Variants in CSGALNACT1 observed in about 807,000 individuals in gnomAD.
CSGALNACT1 encodes chondroitin sulfate N-acetylgalactosaminyltransferase 1.
CSGALNACT1 carries 52 observed loss-of-function variants against 51.0 expected under a neutral mutation model. The observed-to-expected ratio is 1.02, with a 90% CI of 0.82 to 1.29. CSGALNACT1 has a LOEUF of 1.29. CSGALNACT1 is among the 50% of genes most tolerant of loss of function. CSGALNACT1 has a pLI of 0.00. For synonymous variants in CSGALNACT1, 341 were observed against 254.4 expected (o/e 1.34, Z -3.24); for missense variants, 935 against 679.2 (o/e 1.38, Z -4.19).
chr8:19,641,191 C>T (rs1303373585), intron 1 of CSGALNACT1, among the ~76,000 whole-genome samples: 1 of 145,192 alleles, frequency 6.9e-6, no homozygotes, highest in South Asian at 2.3e-4. Flanking sequence ...CTTCTCCTCC[C>T]AACAAGACCT....
At chr8:19,506,902 A>G (rs996424972) in intron 3 of CSGALNACT1, among the ~76,000 whole-genome samples, 1 of 152,332 alleles carries the variant, frequency 6.6e-6, no homozygotes, top group Middle Eastern at 3.4e-3. Flanking sequence ...TAAGTTACGC[A>G]GCTTCAGGTA....
intron 4 of CSGALNACT1, among the ~76,000 whole-genome samples, chr8:19,474,535 C>T (rs1406462451): frequency 1.3e-5 from 2 of 151,936 alleles, no homozygotes; most frequent in Admixed American, 1.3e-4. Flanking sequence ...TTCGGCTGAC[C>T]CATCAATCCA....
At chr8:19,705,036 C>T (rs988980370) in intron 1 of CSGALNACT1, among the ~76,000 whole-genome samples, 4 of 152,144 alleles carry the variant, frequency 2.6e-5, no homozygotes, top group East Asian at 1.9e-4. Context: ...AGTTAATACA[C>T]GTATTGCCCA....
At chr8:19,708,808 G>A (rs2062334342) in intron 1 of CSGALNACT1, among the ~76,000 whole-genome samples, 2 of 152,324 alleles carry the variant, frequency 1.3e-5, no homozygotes, top group South Asian at 4.1e-4. Context: ...AGCACTGAGT[G>A]GAGGGGCAGG....
chr8:19,645,617 G>C (rs1005917291), intron 1 of CSGALNACT1, among the ~76,000 whole-genome samples: 1 of 152,230 alleles, frequency 6.6e-6, no homozygotes, highest in Admixed American at 6.5e-5. Flanking sequence ...GGTTCAAAGC[G>C]CAGCTTGCCT....
At chr8:19,420,189 C>A in intron 7 of CSGALNACT1, 151 bp downstream of exon 6, 2 of 738,118 alleles carry the variant, frequency 2.7e-6, no homozygotes, top group Non-Finnish European at 4.7e-6. Context: ...TGAGAACAGA[C>A]TAATACAGAT....
rs58558359 is a variant in CSGALNACT1, at chr8:19,722,321, G to A, written c.-297+35529C>T. Among the ~76,000 whole-genome samples, 29 of 152,070 alleles carry A rather than the reference G, an allele frequency of 1.9e-4. No individual in the cohort carries two copies. The South Asian group carries it at 2.1e-3, about 11-fold the overall frequency. On this transcript the variant is annotated intron_variant, in intron 1 of 1. Coordinates refer to the CSGALNACT1 transcript ENST00000517494. ...TTTTATTTAAATAAATGAATTAATC[G>A]ATTAGCTTTTTGCAATGTTTTATGA...
At chr8:19,470,708 G>A (rs4922036) in intron 4 of CSGALNACT1, among the ~76,000 whole-genome samples, 83,451 of 151,896 alleles carry the variant, frequency 0.55, 24,055 homozygotes, top group East Asian at 0.86. Context: ...GTGCCACAGA[G>A]AGGCCACTTC....
chr8:19,405,741 G>C (rs752725076), exon 10 of CSGALNACT1: 1 of 1,613,324 alleles, frequency 6.2e-7, no homozygotes, highest in African/African-American at 1.3e-5. Flanking sequence ...AATTGCAAAA[G>C]GAAAGAAAAA....
chr8:19,703,221 G>C (rs879867482), intron 1 of CSGALNACT1, among the ~76,000 whole-genome samples: 15 of 152,128 alleles, frequency 9.9e-5, no homozygotes, highest in Non-Finnish European at 1.5e-4. Context: ...TTGTTCAGAA[G>C]GAGCCATTGA....
intron 3 of CSGALNACT1, among the ~76,000 whole-genome samples, chr8:19,541,812 A>G (rs982450263): frequency 6.6e-6 from 1 of 151,978 alleles, no homozygotes; most frequent in African/African-American, 2.4e-5. Context: ...TAATTCTTCA[A>G]TGTTTCTATT....
At chr8:19,538,115 A>C (rs982672342) in intron 3 of CSGALNACT1, among the ~76,000 whole-genome samples, 4 of 152,024 alleles carry the variant, frequency 2.6e-5, no homozygotes, top group African/African-American at 9.7e-5. Context: ...CCAGGAGTTC[A>C]AGATCAGCCT....
At chr8:19,484,447 G>T (rs2072337489) in intron 4 of CSGALNACT1, among the ~76,000 whole-genome samples, 1 of 152,154 alleles carries the variant, frequency 6.6e-6, no homozygotes, top group African/African-American at 2.4e-5. Flanking sequence ...ATTTATAAAG[G>T]AAAGAGGTTT....
At chr8:19,529,017 C>A (rs2082246057) in intron 3 of CSGALNACT1, among the ~76,000 whole-genome samples, 1 of 152,094 alleles carries the variant, frequency 6.6e-6, no homozygotes, top group Non-Finnish European at 1.5e-5. Context: ...ATGGGGCTGT[C>A]ATTCACAAAA....
At chr8:19,629,949 C>A (rs2054985345) in intron 1 of CSGALNACT1, among the ~76,000 whole-genome samples, 1 of 152,076 alleles carries the variant, frequency 6.6e-6, no homozygotes, top group African/African-American at 2.4e-5. Context: ...GGCATAGAAT[C>A]AAAGTTGTGT....
chr8:19,470,159 G>C (rs975502292), intron 4 of CSGALNACT1, among the ~76,000 whole-genome samples: 2 of 152,166 alleles, frequency 1.3e-5, no homozygotes, highest in Non-Finnish European at 2.9e-5. Context: ...AAAGTACTTG[G>C]TATCAGACAA....
At chr8:19,732,700 G>A (rs1026277986) in intron 1 of CSGALNACT1, 2 of 152,206 alleles carry the variant, frequency 1.3e-5, no homozygotes, top group Admixed American at 6.5e-5. Flanking sequence ...AGATCAAGTT[G>A]CAGAAAAGTT....
At chr8:19,405,137 A>AG (rs2053896947) in exon 10 of CSGALNACT1, 4 of 451,918 alleles carry the variant, frequency 8.9e-6, no homozygotes, top group South Asian at 4.7e-5. Context: ...ATAACTCACA[A>AG]GGGAAAAAAA....
chr8:19,632,545 T>G (rs2055417660), intron 1 of CSGALNACT1, among the ~76,000 whole-genome samples: 1 of 152,246 alleles, frequency 6.6e-6, no homozygotes, highest in African/African-American at 2.4e-5. Flanking sequence ...TGCTGCATTT[T>G]GGACGGTAAG....
Sources: gnomAD v4.1 joint callset for allele counts (sites outside exome capture counted in the v4.1 genomes callset) on GRCh38, gnomAD v4.1.1 for gene constraint, MANE v1.5 for transcripts, NCBI Gene and HGNC (gene_info 2026-07-23, HGNC 2026-07-21) for gene names.